Variants in UGGT2 observed in about 807,000 individuals in gnomAD.
The protein encoded by UGGT2 is UDP-glucose glycoprotein glucosyltransferase 2, also known as UDP-glucose:glycoprotein glucosyltransferase 2.
A neutral mutation model predicts 192.1 loss-of-function variants in UGGT2; 180 were observed. The observed-to-expected ratio is 0.94, with a 90% CI of 0.83 to 1.06. The LOEUF (loss-of-function observed/expected upper bound fraction) is 1.06, where lower values mean the gene tolerates loss of function less well. Among genes scored for constraint, UGGT2 ranks in the 50% least tolerant of loss-of-function variants. The probability of loss-of-function intolerance (pLI) is 0.00; values close to 1 mark genes in which losing one functional copy is unlikely to be tolerated. For synonymous variants in UGGT2, 580 were observed against 591.0 expected (o/e 0.98, Z 0.27); for missense variants, 1,849 against 1,795.7 (o/e 1.03, Z -0.54).
intron 38 of UGGT2, among the ~76,000 whole-genome samples, chr13:95,804,589 G>C (rs1373297959): frequency 6.6e-6 from 1 of 152,072 alleles, no homozygotes; most frequent in Non-Finnish European, 1.5e-5. Flanking sequence ...TATGGTCCCG[G>C]CATAAAGACA....
intron 38 of UGGT2, among the ~76,000 whole-genome samples, chr13:95,827,959 C>G (rs919574392): frequency 5.3e-5 from 8 of 152,222 alleles, no homozygotes; most frequent in African/African-American, 1.9e-4. Flanking sequence ...TCTTCATCTC[C>G]CTATACCACG....
intron 30 of UGGT2, among the ~76,000 whole-genome samples, chr13:95,866,201 A>C (rs73556802): frequency 6.6e-6 from 1 of 152,180 alleles, no homozygotes; most frequent in African/African-American, 2.4e-5. Context: ...CTCAGTTTCC[A>C]AAGTTCTACT....
At position 95,969,520 on chromosome 13, in the gene UGGT2, G is replaced by C. The variant is rs367593327; in HGVS notation, c.1335+592C>G. ...ACCTAACTTTGAAAAAGGAATAGGAGTTAACTGGATAGAGAAAAAAAAAGT... is the reference window on the plus strand; with the variant it reads ...ACCTAACTTTGAAAAAGGAATAGGACTTAACTGGATAGAGAAAAAAAAAGT... On this transcript the variant is annotated intron_variant, in intron 12 of 38. Coordinates refer to ENST00000376747, the MANE Select transcript of UGGT2 (RefSeq NM_020121.4). Among the ~76,000 whole-genome samples the C allele has an allele frequency of 1.8e-4, 27 of 152,242 alleles. 1 individual carries two copies. The East Asian group carries it at 1.9e-3, about 11-fold the overall frequency.
intron 27 of UGGT2, among the ~76,000 whole-genome samples, chr13:95,878,959 T>C (rs1340510653): frequency 6.6e-6 from 1 of 152,238 alleles, no homozygotes; most frequent in East Asian, 1.9e-4. Context: ...ATTACTATTC[T>C]AGCGATAAAC....
intron 7 of UGGT2, 42 bp downstream of exon 7, chr13:95,996,021 A>C (rs1437573647): frequency 6.4e-7 from 1 of 1,553,032 alleles, no homozygotes. Context: ...CTTAAAAACC[A>C]ATGGGTATAA....
At chr13:95,884,391 T>G (rs1028080042) in intron 27 of UGGT2, 100 bp downstream of exon 27, 1 of 920,338 alleles carries the variant, frequency 1.1e-6, no homozygotes, top group African/African-American at 1.7e-5. Context: ...AATATTCTGG[T>G]AAACATTCAT....
chr13:95,851,306 T>C (rs903004303), intron 36 of UGGT2, among the ~76,000 whole-genome samples: 11 of 152,158 alleles, frequency 7.2e-5, no homozygotes, highest in Admixed American at 6.5e-5. Flanking sequence ...AGAGTTAATA[T>C]AGGAGTTGGG....
intron 38 of UGGT2, among the ~76,000 whole-genome samples, chr13:95,810,505 T>C (rs949748599): frequency 6.6e-6 from 1 of 152,248 alleles, no homozygotes; most frequent in Admixed American, 6.5e-5. Flanking sequence ...CAGTAAATAA[T>C]AAAACACACT....
chr13:95,810,088 C>G (rs1418910390), intron 38 of UGGT2, among the ~76,000 whole-genome samples: 1 of 152,096 alleles, frequency 6.6e-6, no homozygotes, highest in Non-Finnish European at 1.5e-5. Context: ...AATGGATAAC[C>G]ACATGTGACG....
At chr13:95,903,085 A>C in intron 20 of UGGT2, 25 bp from the exon 21 acceptor site, 5 of 1,593,732 alleles carry the variant, frequency 3.1e-6, no homozygotes, top group Non-Finnish European at 4.3e-6. Flanking sequence ...ATAGATTAAA[A>C]AGACCAGTAT....
chr13:95,985,327 T>A, intron 9 of UGGT2: 1 of 1,247,292 alleles, frequency 8.0e-7, no homozygotes, highest in Non-Finnish European at 1.1e-6. Flanking sequence ...ATCAATATAT[T>A]CATTCTTAAT....
chr13:95,987,986 G>A (rs1440510162), intron 8 of UGGT2, among the ~76,000 whole-genome samples: 1 of 152,086 alleles, frequency 6.6e-6, no homozygotes, highest in Non-Finnish European at 1.5e-5. Context: ...AGAGTAAGGA[G>A]TGGAATAGTT....
intron 36 of UGGT2, among the ~76,000 whole-genome samples, chr13:95,849,513 G>A (rs780153430): frequency 6.4e-4 from 96 of 150,100 alleles, no homozygotes; most frequent in South Asian, 2.1e-3. Context: ...ATTGCACTCC[G>A]GCCTGGGCAA....
intron 27 of UGGT2, among the ~76,000 whole-genome samples, chr13:95,878,669 T>G (rs1378568282): frequency 6.6e-6 from 1 of 152,202 alleles, no homozygotes; most frequent in Non-Finnish European, 1.5e-5. Flanking sequence ...CTGTTGAGAT[T>G]AAAGACAGCA....
At chr13:95,971,346 C>T (rs994064446) in intron 11 of UGGT2, among the ~76,000 whole-genome samples, 3 of 152,102 alleles carry the variant, frequency 2.0e-5, no homozygotes, top group African/African-American at 7.2e-5. Flanking sequence ...TATTCCACAT[C>T]CTCTGAAGAC....
At chr13:95,954,336 T>A (rs1424416784) in intron 12 of UGGT2, among the ~76,000 whole-genome samples, 2 of 152,158 alleles carry the variant, frequency 1.3e-5, no homozygotes, top group African/African-American at 4.8e-5. Context: ...AAAGTTAACC[T>A]GAAAAACTAG....
At chr13:95,898,445 C>A (rs537550518) in intron 22 of UGGT2, among the ~76,000 whole-genome samples, 1 of 152,228 alleles carries the variant, frequency 6.6e-6, no homozygotes, top group South Asian at 2.1e-4. Context: ...ACTCACCTCA[C>A]GTCCTTTGCA....
intron 1 of UGGT2, among the ~76,000 whole-genome samples, chr13:96,047,842 C>T (rs1011970787): frequency 6.6e-6 from 1 of 152,024 alleles, no homozygotes. Context: ...AAAGCAAGTC[C>T]TTAGAGACCT....
Position 96,048,950 on chromosome 13 carries a change from C to T in UGGT2, c.158+4205G>A, listed in dbSNP as rs1053573955. ...CTTTCTTAAACTATTCCAATTGATACAAAAAAAGGGAATCCTCCCTAACTC... is the reference window on the plus strand; with the variant it reads ...CTTTCTTAAACTATTCCAATTGATATAAAAAAAGGGAATCCTCCCTAACTC... On this transcript the variant is annotated intron_variant, in intron 1 of 38. Transcript: ENST00000376747. 2.0e-5 allele frequency among the ~76,000 whole-genome samples: 3 copies of T among 147,452 alleles called. No individual in the cohort carries two copies. The Admixed American group carries it at 2.0e-4, about 10-fold the overall frequency.
Sources: allele counts gnomAD v4.1 joint callset (sites outside exome capture counted in the v4.1 genomes callset), GRCh38; gene constraint gnomAD v4.1.1; transcripts MANE v1.5; gene names NCBI Gene and HGNC (gene_info 2026-07-23, HGNC 2026-07-21).